The following PEAK1 variants were observed in gnomAD, a reference collection of about 807,000 sequenced individuals.
PEAK1 encodes the protein inactive tyrosine-protein kinase PEAK1.
PEAK1 carries 54 observed loss-of-function variants against 124.7 expected under a neutral mutation model. That is an observed-to-expected ratio of 0.43 (90% CI 0.35 to 0.54). The LOEUF is 0.54. PEAK1 is among the 20% of genes least tolerant of loss of function. The pLI is 0.01. For synonymous variants in PEAK1, 719 were observed against 760.0 expected, an observed-to-expected ratio of 0.95 and a Z score of 0.89; for missense variants, 2,046 against 2,134.5, an observed-to-expected ratio of 0.96 and a Z score of 0.82.
At chr15:77,405,665 G>C (rs1483554921) in intron 1 of PEAK1, among the ~76,000 whole-genome samples, 2 of 152,138 alleles carry the variant, frequency 1.3e-5, no homozygotes, top group Non-Finnish European at 2.9e-5. Flanking sequence ...GAGAAGATCA[G>C]CATTCGCATC....
At chr15:77,349,366 C>T in intron 2 of PEAK1, 1 of 983,674 alleles carries the variant, frequency 1.0e-6, no homozygotes, top group Non-Finnish European at 1.2e-6. Flanking sequence ...TTTAAAGTCA[C>T]ACTACAAAGA....
rs568989512 is a variant in PEAK1 at position 77,263,965 on chromosome 15, T to A, written c.-274-11439A>T. ...GGCTGGTTCAACATACGCAAATCAATAAACATAATCCAGCATATAAACAGA... is the reference window on the plus strand; with the variant it reads ...GGCTGGTTCAACATACGCAAATCAAAAAACATAATCCAGCATATAAACAGA... On this transcript the variant is annotated intron_variant, in intron 5 of 9. Transcript: ENST00000682557. Among the ~76,000 whole-genome samples, 5 of 152,146 alleles carry A rather than the reference T, an allele frequency of 3.3e-5. 1 individual carries two copies. The South Asian group carries it at 1.0e-3, about 32-fold the overall frequency.
intron 6 of PEAK1, among the ~76,000 whole-genome samples, chr15:77,228,181 A>G (rs1567140222): frequency 6.6e-6 from 1 of 152,012 alleles, no homozygotes; most frequent in Non-Finnish European, 1.5e-5. Flanking sequence ...TTTGTTACAT[A>G]TGTTTACATG....
At chr15:77,329,652 T>C (rs2065783351) in intron 2 of PEAK1, among the ~76,000 whole-genome samples, 1 of 152,196 alleles carries the variant, frequency 6.6e-6, no homozygotes, top group Non-Finnish European at 1.5e-5. Flanking sequence ...ATGATATACC[T>C]CTCATTCATT....
intron 2 of PEAK1, among the ~76,000 whole-genome samples, chr15:77,309,323 T>C (rs1254166078): frequency 6.6e-6 from 1 of 152,088 alleles, no homozygotes; most frequent in Admixed American, 6.6e-5. Context: ...CTTTTGACTC[T>C]CCTAATTGAA....
chr15:77,289,807 G>A (rs2063121129), intron 2 of PEAK1, among the ~76,000 whole-genome samples: 6 of 151,968 alleles, frequency 3.9e-5, no homozygotes, highest in Admixed American at 3.3e-4. Context: ...CTCCAGCCTG[G>A]GCGACAGAGC....
At chr15:77,333,633 C>T in intron 2 of PEAK1, 2 of 968,174 alleles carry the variant, frequency 2.1e-6, no homozygotes, top group Non-Finnish European at 2.5e-6. Context: ...AAGTACAACT[C>T]TAGTTTTATA....
intron 2 of PEAK1, among the ~76,000 whole-genome samples, chr15:77,341,553 G>A (rs2066536120): frequency 1.3e-5 from 2 of 151,658 alleles, no homozygotes; most frequent in South Asian, 4.2e-4. Context: ...TTTTTATTGA[G>A]GGGTTATTAC....
At chr15:77,182,806 C>A (rs1480944219) in intron 6 of PEAK1, among the ~76,000 whole-genome samples, 2 of 147,770 alleles carry the variant, frequency 1.4e-5, no homozygotes, top group African/African-American at 5.0e-5. Context: ...TCATGCAAGG[C>A]CTTTTAGGCT....
At chr15:77,161,613 A>T (rs574903778) in intron 7 of PEAK1, among the ~76,000 whole-genome samples, 97 of 152,326 alleles carry the variant, frequency 6.4e-4, no homozygotes, top group Middle Eastern at 3.4e-3. Context: ...GTAAGAATTT[A>T]AAAAATGCAT....
intron 2 of PEAK1, chr15:77,353,017 G>T: frequency 1.0e-6 from 1 of 985,322 alleles, no homozygotes; most frequent in Non-Finnish European, 1.2e-6. Context: ...GCAAGCATCT[G>T]TTGGCTAATA....
rs1250289357 is a variant in PEAK1 at position 77,367,995 on chromosome 15, C to T, written c.-665-2770G>A. Among the ~76,000 whole-genome samples the T allele has an allele frequency of 4.6e-5, 7 of 152,244 alleles. No homozygotes were observed. The South Asian group carries it at 1.2e-3, about 27-fold the overall frequency. ...ACCACATCTGTTTATAATCTTTACG[C>T]TGGCAAATGACAGGTAAGTTGTGAC... On this transcript the variant is annotated intron_variant, in intron 1 of 9. Coordinates refer to ENST00000682557, the MANE Select transcript of PEAK1 (RefSeq NM_001385026.1).
intron 6 of PEAK1, among the ~76,000 whole-genome samples, chr15:77,232,061 G>T (rs1056356806): frequency 6.6e-6 from 1 of 152,184 alleles, no homozygotes; most frequent in East Asian, 1.9e-4. Context: ...ACTCACCTGA[G>T]ATGTTTGCTT....
intron 2 of PEAK1, among the ~76,000 whole-genome samples, chr15:77,331,656 C>T (rs567596378): frequency 1.4e-4 from 22 of 151,738 alleles, no homozygotes; most frequent in African/African-American, 4.1e-4. Flanking sequence ...CTCATTCTGT[C>T]GCCCAGGCTG....
At chr15:77,217,546 G>A (rs781740679) in intron 6 of PEAK1, among the ~76,000 whole-genome samples, 24 of 152,248 alleles carry the variant, frequency 1.6e-4, no homozygotes, top group Non-Finnish European at 2.6e-4. Flanking sequence ...TTAAACAAGA[G>A]CAATGTTTTG....
chr15:77,210,782 A>G (rs1262765354), intron 6 of PEAK1, among the ~76,000 whole-genome samples: 1 of 152,194 alleles, frequency 6.6e-6, no homozygotes, highest in African/African-American at 2.4e-5. Context: ...CAGGAGGCTG[A>G]GGCAGGAGAA....
At position 77,111,900 on chromosome 15, in the gene PEAK1, G is replaced by C. The variant is rs2050997489; in HGVS notation, c.*2256C>G. 1 of 152,244 alleles carries C rather than the reference G, an allele frequency of 6.6e-6. No homozygotes were observed. The highest frequency in any genetic ancestry group is 1.5e-5 in the Non-Finnish European group (1 of 68,060). 9.4% of individuals were successfully genotyped at this position (152,244 alleles called of 1,614,324 possible). ...GCAAGACATTGCAAGATGGGAGGTGGGGGAGGTTAAGGGAATGTGCTGGCT... is the reference window on the plus strand; with the variant it reads ...GCAAGACATTGCAAGATGGGAGGTGCGGGAGGTTAAGGGAATGTGCTGGCT... On this transcript the variant is annotated 3_prime_UTR_variant, in exon 10 of 10. Coordinates refer to ENST00000682557, the MANE Select transcript of PEAK1 (RefSeq NM_001385026.1).
intron 1 of PEAK1, among the ~76,000 whole-genome samples, chr15:77,391,329 T>C (rs993501962): frequency 3.9e-5 from 6 of 152,062 alleles, no homozygotes; most frequent in African/African-American, 1.4e-4. Context: ...TACTGCAAGC[T>C]GCTATATACC....
intron 1 of PEAK1, among the ~76,000 whole-genome samples, chr15:77,391,188 TAC>T (rs1199869859): frequency 6.6e-6 from 1 of 152,156 alleles, no homozygotes; most frequent in African/African-American, 2.4e-5. Flanking sequence ...ACTGCTGAGC[TAC>T]ACAGTATCCA....
Sources: allele counts gnomAD v4.1 joint callset (sites outside exome capture counted in the v4.1 genomes callset), GRCh38; gene constraint gnomAD v4.1.1; transcripts MANE v1.5; gene names NCBI Gene and HGNC (gene_info 2026-07-23, HGNC 2026-07-21).